ABCC1: variants seen among roughly 807,000 people sequenced by gnomAD.
ABCC1 encodes ATP binding cassette subfamily C member 1 (ABCC1 blood group), also known as multidrug resistance-associated protein 1.
ABCC1 carries 83 observed loss-of-function variants against 172.9 expected under a neutral mutation model. The observed-to-expected ratio is 0.48, with a 90% CI of 0.40 to 0.58. The LOEUF is 0.58. Ranked by LOEUF, ABCC1 falls within the 20% of genes least tolerant of loss-of-function variation. The pLI, the probability that ABCC1 is intolerant of heterozygous loss-of-function variation, is 0.00. For missense variants in ABCC1, 1,817 were observed against 2,002.7 expected, an observed-to-expected ratio of 0.91 and a Z score of 1.77; for synonymous variants, 937 against 825.2, an observed-to-expected ratio of 1.14 and a Z score of -2.32.
chr16:16,118,444 T>TCC (rs59904717), intron 23 of ABCC1, among the ~76,000 whole-genome samples: 1 of 132,586 alleles, frequency 7.5e-6, no homozygotes, highest in Non-Finnish European at 1.7e-5. Flanking sequence ...TTTTTTTTTT[T>TCC]CCCCTGCATT....
chr16:16,121,937 A>T, intron 23 of ABCC1, 38 bp from the exon 24 acceptor site: 1 of 1,604,298 alleles, frequency 6.2e-7, no homozygotes, highest in Non-Finnish European at 8.5e-7. Context: ...GGCAGGAGGG[A>T]ACCTTCATCA....
chr16:16,028,108 TTTCCTTTG>T (rs1469867678), intron 5 of ABCC1, among the ~76,000 whole-genome samples: 1 of 152,066 alleles, frequency 6.6e-6, no homozygotes, highest in African/African-American at 2.4e-5. Flanking sequence ...CCGCCTTCCT[TTTCCTTTG>T]TTCCTTTGTT....
At chr16:16,058,518 G>A (rs1258475626) in intron 12 of ABCC1, among the ~76,000 whole-genome samples, 2 of 152,202 alleles carry the variant, frequency 1.3e-5, no homozygotes, top group Admixed American at 6.5e-5. Context: ...CAGCATTTGC[G>A]AAAGCGTGTT....
intron 15 of ABCC1, 23 bp from the exon 16 acceptor site, chr16:16,079,329 C>T (rs766398548): frequency 6.2e-7 from 1 of 1,611,764 alleles, no homozygotes. Flanking sequence ...CGTGGCTGAG[C>T]CAGGTGTGTT....
intron 30 of ABCC1, among the ~76,000 whole-genome samples, chr16:16,140,354 T>TTTATA (rs1376981262): frequency 6.6e-6 from 1 of 152,192 alleles, no homozygotes; most frequent in East Asian, 1.9e-4. Flanking sequence ...TCTATTTTAT[T>TTTATA]TTATATATTT....
chr16:16,107,053 G>A (rs1049457632), intron 21 of ABCC1, among the ~76,000 whole-genome samples, 180 bp downstream of exon 21: 1 of 152,106 alleles, frequency 6.6e-6, no homozygotes, highest in African/African-American at 2.4e-5. Context: ...CTTACTCACG[G>A]TCACCCCTGG....
In ABCC1 at chr16:16,044,792, C is replaced by T. The variant is rs2049134765; in HGVS notation, c.1040+112C>T. 4.5e-6 allele frequency: 4 copies of T among 894,026 alleles called. No individual in the cohort carries two copies. In the Admixed American group the frequency reaches 1.1e-4, roughly 24 times the overall value. The allele number at this position is 894,026 out of a possible 1,614,324, so 55.4% of individuals were successfully genotyped here. ...GCTGTGTCCTGAAGTGGGCTCATAGCCAGATGTCTCCATTTTTACTTTAGC... is the reference window on the plus strand; with the variant it reads ...GCTGTGTCCTGAAGTGGGCTCATAGTCAGATGTCTCCATTTTTACTTTAGC... On this transcript the variant is annotated intron_variant, in intron 8 of 30. Transcript: ENST00000399410.
Position 16,122,124 on chromosome 16 carries a change from G to T in ABCC1, c.3540G>T (p.Leu1180=). The T allele has an allele frequency of 6.2e-7, 1 of 1,614,212 alleles. No homozygotes were observed. The highest frequency in any genetic ancestry group is 1.7e-5 in the Admixed American group (1 of 60,014). ...EQERFIHQSD[L]KVDENQKAYY... is the part of the protein sequence containing the mutation. ...AGCGCTTCATCCACCAGAGTGACCTGAAGGTGGACGAGAACCAGAAGGCCT... is the reference window on the plus strand; with the variant it reads ...AGCGCTTCATCCACCAGAGTGACCTTAAGGTGGACGAGAACCAGAAGGCCT... The change falls in exon 24 of 31, where the codon CTG becomes CTT. Residue 1180 remains leucine (L), a synonymous_variant. Transcript: ENST00000399410.
intron 20 of ABCC1, among the ~76,000 whole-genome samples, chr16:16,105,999 C>T (rs1439386632): frequency 6.6e-6 from 1 of 151,766 alleles, no homozygotes; most frequent in Non-Finnish European, 1.5e-5. Flanking sequence ...GCCTCAACCT[C>T]CCAAGTAGTT....
chr16:16,033,080 C>T, intron 5 of ABCC1, 29 bp from the exon 6 acceptor site: 2 of 1,609,412 alleles, frequency 1.2e-6, no homozygotes, highest in African/African-American at 1.3e-5. Flanking sequence ...TTCCCTCTTC[C>T]TCCCAAACCT....
intron 7 of ABCC1, among the ~76,000 whole-genome samples, chr16:16,041,117 A>C (rs951297163): frequency 8.3e-4 from 113 of 135,522 alleles, no homozygotes; most frequent in African/African-American, 2.9e-3. Context: ...TTTTTTGTAG[A>C]GATGATATCT....
intron 1 of ABCC1, among the ~76,000 whole-genome samples, chr16:16,001,059 T>C (rs1267656435): frequency 6.6e-6 from 1 of 152,174 alleles, no homozygotes; most frequent in African/African-American, 2.4e-5. Flanking sequence ...GTCTAGAACA[T>C]TATCTGACAA....
chr16:15,983,421 CCT>C (rs2046672851), intron 1 of ABCC1, among the ~76,000 whole-genome samples: 1 of 152,046 alleles, frequency 6.6e-6, no homozygotes, highest in Non-Finnish European at 1.5e-5. Flanking sequence ...GAAGATATCC[CCT>C]GTCTGCGGTT....
At position 16,019,252 on chromosome 16, in the gene ABCC1, C is replaced by A. The variant is rs1354150151; in HGVS notation, c.615+2631C>A. Among the ~76,000 whole-genome samples the A allele has an allele frequency of 2.0e-5, 3 of 151,984 alleles. No homozygotes were observed. In the East Asian group the frequency reaches 5.8e-4, roughly 29 times the overall value. On this transcript the variant is annotated intron_variant, in intron 5 of 30. Coordinates refer to ENST00000399410, the MANE Select transcript of ABCC1 (RefSeq NM_004996.4). ...CTGAGTAGCTGGGATTACAGGCGCC[C>A]ATCACCATGCTCGACTAATTTTTGC...
At chr16:16,003,702 AGGTG>A (rs2047406563) in intron 1 of ABCC1, among the ~76,000 whole-genome samples, 1 of 105,344 alleles carries the variant, frequency 9.5e-6, no homozygotes, top group East Asian at 2.9e-4. Flanking sequence ...ATGAATTGGT[AGGTG>A]GGTAGGGTGG....
At chr16:15,999,836 C>CTTTCTTTCTTTCTTTCTTTCTTTCTT (rs766054868) in intron 1 of ABCC1, among the ~76,000 whole-genome samples, 2 of 16,850 alleles carry the variant, frequency 1.2e-4, no homozygotes, top group African/African-American at 2.1e-4. Flanking sequence ...CTCTCTCTGT[C>CTTTCTTTCTTTCTTTCTTTCTTTCTT]TCTTTCTTTC....
chr16:16,047,957 G>A (rs1252914330), intron 9 of ABCC1, among the ~76,000 whole-genome samples, 185 bp from the exon 10 acceptor site: 2 of 152,102 alleles, frequency 1.3e-5, no homozygotes, highest in Admixed American at 6.6e-5. Flanking sequence ...TGAGCACCGC[G>A]GATAAGAATG....
At chr16:16,141,116 G>C in intron 30 of ABCC1, 57 bp from the exon 31 acceptor site, 2 of 1,517,536 alleles carry the variant, frequency 1.3e-6, no homozygotes, top group Non-Finnish European at 1.8e-6. Context: ...GTTGTCCCAG[G>C]GGCACGAGGT....
intron 1 of ABCC1, among the ~76,000 whole-genome samples, chr16:15,968,642 G>C (rs148093330): frequency 9.2e-5 from 14 of 152,162 alleles, no homozygotes; most frequent in Non-Finnish European, 2.1e-4. Context: ...CTCCCAAAGT[G>C]CTGGGATTAC....
Sources: gnomAD v4.1 joint callset for allele counts (sites outside exome capture counted in the v4.1 genomes callset) on GRCh38, gnomAD v4.1.1 for gene constraint, MANE v1.5 for transcripts, NCBI Gene and HGNC (gene_info 2026-07-23, HGNC 2026-07-21) for gene names.